ORC3: variants seen among roughly 807,000 people sequenced by gnomAD.
ORC3 encodes the protein origin recognition complex subunit 3, also known as homolog of latheo, Drosophila.
Under a neutral mutation model 100.7 loss-of-function variants are expected in ORC3, and 78 were observed. The ratio of observed to expected loss-of-function variants is 0.77; its 90% CI spans 0.65 to 0.94. ORC3 has a LOEUF of 0.94. Among genes scored for constraint, ORC3 ranks in the 40% least tolerant of loss-of-function variants. The pLI is 0.00. For synonymous variants in ORC3, 295 were observed against 289.3 expected (o/e 1.02, Z -0.20); for missense variants, 789 against 823.9 (o/e 0.96, Z 0.52).
intron 13 of ORC3, among the ~76,000 whole-genome samples, chr6:87,637,300 C>G (rs558387850): frequency 2.6e-5 from 4 of 152,166 alleles, no homozygotes; most frequent in Non-Finnish European, 5.9e-5. Context: ...ACTGAAAGCA[C>G]TTCAAGTCCA....
At chr6:87,647,475 A>G (rs139302883) in intron 13 of ORC3, among the ~76,000 whole-genome samples, 100 of 152,280 alleles carry the variant, frequency 6.6e-4, no homozygotes, top group African/African-American at 2.4e-3. Flanking sequence ...GGCCCTAACC[A>G]TTTAAAAATT....
intron 16 of ORC3, among the ~76,000 whole-genome samples, chr6:87,662,589 T>C (rs1181419266): frequency 6.6e-6 from 1 of 152,246 alleles, no homozygotes; most frequent in Non-Finnish European, 1.5e-5. Context: ...ATGTTTGCTG[T>C]GCTAGAAAAT....
intron 13 of ORC3, chr6:87,651,511 G>A (rs1759994809): frequency 3.5e-6 from 1 of 284,868 alleles, no homozygotes; most frequent in Admixed American, 4.1e-5. Flanking sequence ...AGTATGAAAT[G>A]TCTTGGCTTA....
At chr6:87,676,825 C>G in the ORC3 span, among the ~76,000 whole-genome samples, 5 of 150,404 alleles carry the variant, frequency 3.3e-5, no homozygotes, top group African/African-American at 1.2e-4. Flanking sequence ...GCCTGTAATC[C>G]CAGCACTTTG....
At chr6:87,604,493 A>T (rs1778191123) in intron 4 of ORC3, among the ~76,000 whole-genome samples, 1 of 152,250 alleles carries the variant, frequency 6.6e-6, no homozygotes. Context: ...ATTTGAGGAA[A>T]AACTGAGGCC....
intron 14 of ORC3, among the ~76,000 whole-genome samples, chr6:87,654,608 C>T (rs985779908): frequency 5.9e-5 from 9 of 152,174 alleles, no homozygotes; most frequent in African/African-American, 1.7e-4. Context: ...GTTTTTCTGT[C>T]GCTAATTCAC....
chr6:87,594,239 C>T, intron 1 of ORC3, 114 bp from the exon 2 acceptor site: 2 of 625,488 alleles, frequency 3.2e-6, no homozygotes, highest in South Asian at 2.7e-5. Context: ...GAAATGTGTT[C>T]TCTCCCCTAA....
intron 1 of ORC3, among the ~76,000 whole-genome samples, chr6:87,591,319 A>G (rs541714257): frequency 1.3e-5 from 2 of 152,326 alleles, no homozygotes; most frequent in Non-Finnish European, 1.5e-5. Context: ...CATTCTCCCT[A>G]TGTTAAAACA....
chr6:87,608,800 T>C lies in ORC3; in HGVS notation c.580-296T>C, dbSNP rs1778529912. Among the ~76,000 whole-genome samples, 4 of 152,156 alleles carry C rather than the reference T, an allele frequency of 2.6e-5. No individual in the cohort carries two copies. In the South Asian group the frequency reaches 6.2e-4, roughly 24 times the overall value. ...ATATAACTTTCTACCAACAGAAAAA[T>C]CAATTTTGTAGAAAATTTCCTCTTC... On this transcript the variant is annotated intron_variant, in intron 6 of 19. Coordinates refer to ENST00000392844, the MANE Select transcript of ORC3 (RefSeq NM_012381.4).
intron 14 of ORC3, among the ~76,000 whole-genome samples, chr6:87,654,795 C>CT (rs1562377808): frequency 6.6e-6 from 1 of 152,018 alleles, no homozygotes; most frequent in Non-Finnish European, 1.5e-5. Context: ...ATTTTTTCTT[C>CT]TTTTTTTGCT....
intron 5 of ORC3, among the ~76,000 whole-genome samples, chr6:87,606,586 A>G (rs971036794): frequency 6.6e-6 from 1 of 151,774 alleles, no homozygotes; most frequent in East Asian, 1.9e-4. Context: ...GCTGTACTAC[A>G]GTAGCATGAT....
At chr6:87,594,289 G>A (rs990726803) in intron 1 of ORC3, 64 bp from the exon 2 acceptor site, 2 of 1,181,930 alleles carry the variant, frequency 1.7e-6, no homozygotes, top group Admixed American at 2.1e-5. Flanking sequence ...AAAATATTTG[G>A]TTAATCAGAT....
At chr6:87,661,787 C>T (rs1373923973) in intron 16 of ORC3, among the ~76,000 whole-genome samples, 1 of 152,122 alleles carries the variant, frequency 6.6e-6, no homozygotes, top group Non-Finnish European at 1.5e-5. Flanking sequence ...TGTGAGTTAA[C>T]TATATACTTT....
chr6:87,620,345 C>T (rs1395520769), intron 9 of ORC3, among the ~76,000 whole-genome samples: 1 of 152,210 alleles, frequency 6.6e-6, no homozygotes, highest in Non-Finnish European at 1.5e-5. Context: ...CAGTTGCTTT[C>T]TATTTTGTAC....
intron 3 of ORC3, among the ~76,000 whole-genome samples, chr6:87,602,285 G>A (rs1378772199): frequency 2.2e-4 from 33 of 152,106 alleles, no homozygotes; most frequent in Admixed American, 2.2e-3. Flanking sequence ...AGATGTTTAT[G>A]ATAGCTGTTA....
At position 87,657,058 on chromosome 6, in the gene ORC3, G is replaced by A. The variant is rs778833609; in HGVS notation, c.1593+76G>A. 141 of 938,876 alleles carry A rather than the reference G, an allele frequency of 1.5e-4. 1 individual carries two copies. Among genetic ancestry groups the A allele is most frequent in the South Asian group, 2.7e-4 (20 of 75,088 alleles). 58.2% of individuals were successfully genotyped at this position (938,876 alleles called of 1,614,324 possible). A position where few individuals can be genotyped will look rare whatever the true frequency, so the allele number is the denominator to read the frequency against. ...TCAGTTTGTGCTCTAGATTAACTCT[G>A]CCTGGATGTTTTTGTTTTCATTTTT... On this transcript the variant is annotated intron_variant, in intron 15 of 19. Coordinates refer to ENST00000392844, the MANE Select transcript of ORC3 (RefSeq NM_012381.4).
intron 11 of ORC3, among the ~76,000 whole-genome samples, chr6:87,632,590 C>T (rs549359284): frequency 5.3e-5 from 8 of 152,186 alleles, no homozygotes; most frequent in Non-Finnish European, 8.8e-5. Flanking sequence ...AGGCCAGTCA[C>T]GGTGGCTCAC....
rs148098735 is a variant in ORC3 at position 87,618,411 on chromosome 6, C to T, written c.987+1984C>T. Among the ~76,000 whole-genome samples the T allele has an allele frequency of 6.2e-3, 644 of 103,906 alleles. 3 individuals are homozygous for T. The highest frequency in any genetic ancestry group is 0.026 in the African/African-American group (619 of 23,694). The allele number at this position is 103,906 out of a possible 152,430, so 68.2% of individuals were successfully genotyped here. On this transcript the variant is annotated intron_variant, in intron 9 of 19. Coordinates refer to ENST00000392844, the MANE Select transcript of ORC3 (RefSeq NM_012381.4). ...CAGCCTGGGCAACAGTGTGAGGCTCCATCTCAAAAAAAAAAAAAGAAATCT... is the reference window on the plus strand; with the variant it reads ...CAGCCTGGGCAACAGTGTGAGGCTCTATCTCAAAAAAAAAAAAAGAAATCT...
intron 1 of ORC3, among the ~76,000 whole-genome samples, chr6:87,594,063 C>A (rs1777244209): frequency 6.6e-6 from 1 of 152,192 alleles, no homozygotes; most frequent in Non-Finnish European, 1.5e-5. Context: ...TAAATTTAAT[C>A]AGCTTTTATT....
Sources: allele counts gnomAD v4.1 joint callset (sites outside exome capture counted in the v4.1 genomes callset), GRCh38; gene constraint gnomAD v4.1.1; transcripts MANE v1.5; gene names NCBI Gene and HGNC (gene_info 2026-07-23, HGNC 2026-07-21).